The following TRPM3 variants were observed in gnomAD, a reference collection of about 807,000 sequenced individuals.
TRPM3 encodes the protein long transient receptor potential channel 3.
Under a neutral mutation model 181.2 loss-of-function variants are expected in TRPM3, and 77 were observed. The ratio of observed to expected loss-of-function variants is 0.42; its 90% confidence interval spans 0.35 to 0.51. The LOEUF (loss-of-function observed/expected upper bound fraction) is 0.51. TRPM3 is among the 20% of genes least tolerant of loss of function. The probability of loss-of-function intolerance (pLI) is 0.01; values close to 1 mark genes in which losing one functional copy is unlikely to be tolerated. For missense variants in TRPM3, 1,759 were observed against 2,196.7 expected (o/e 0.80, Z 3.98); for synonymous variants, 745 against 796.4 (o/e 0.94, Z 1.09).
At position 71,219,204 on chromosome 9, in the gene TRPM3, G is replaced by C. The variant is rs77966300; in HGVS notation, c.183+227449C>G. Among the ~76,000 whole-genome samples, 102 of 152,112 alleles carry C rather than the reference G, an allele frequency of 6.7e-4. 1 individual carries two copies. The East Asian group carries it at 0.019, about 28-fold the overall frequency. ...TTGTGTGTGTGTGTTGGGGGTGGGG[G>C]TTGGGAGATGAGGGAAGGGCTTTTT... On this transcript the variant is annotated intron_variant, in intron 1 of 24. Transcript: ENST00000357533.
chr9:71,332,026 C>T (rs962462611), intron 1 of TRPM3, among the ~76,000 whole-genome samples: 2 of 149,548 alleles, frequency 1.3e-5, no homozygotes, highest in African/African-American at 2.5e-5. Context: ...CTATAGTATT[C>T]ATAAAATAAA....
intron 6 of TRPM3, among the ~76,000 whole-genome samples, chr9:70,791,501 C>T (rs1293164570): frequency 6.6e-6 from 1 of 152,108 alleles, no homozygotes; most frequent in Non-Finnish European, 1.5e-5. Context: ...ATGTCTTTTT[C>T]TCTTATTACC....
Position 71,112,404 on chromosome 9 carries a change from A to G in TRPM3, c.177+8774T>C, listed in dbSNP as rs182040262. Among the ~76,000 whole-genome samples the G allele has an allele frequency of 1.4e-4, 22 of 152,282 alleles. No individual in the cohort carries two copies. The East Asian group carries it at 3.9e-3, about 27-fold the overall frequency. ...TTGAGTACATATTTTATTCTGGGTC[A>G]CTTTCACTGAGCACGAAATATTGGT... is the stretch of plus-strand genomic sequence containing the variant. On this transcript the variant is annotated intron_variant, in intron 1 of 25. Coordinates refer to ENST00000677713, the MANE Select transcript of TRPM3 (RefSeq NM_001366145.2).
chr9:70,999,028 C>T (rs528208674), intron 1 of TRPM3, among the ~76,000 whole-genome samples: 1 of 152,278 alleles, frequency 6.6e-6, no homozygotes, highest in South Asian at 2.1e-4. Flanking sequence ...AGCTGATAAT[C>T]ACTACCTTCT....
intron 22 of TRPM3, among the ~76,000 whole-genome samples, chr9:70,556,336 TATTA>T (rs888714084): frequency 1.3e-5 from 2 of 151,936 alleles, no homozygotes; most frequent in African/African-American, 4.8e-5. Context: ...ATCTTTTGGG[TATTA>T]ATTTATTCCA....
chr9:70,672,191 C>T (rs1368765420), intron 9 of TRPM3, among the ~76,000 whole-genome samples: 1 of 152,142 alleles, frequency 6.6e-6, no homozygotes, highest in Non-Finnish European at 1.5e-5. Context: ...TCTCTCATTC[C>T]ACAGTCATAG....
chr9:71,334,141 GAAGCTCTGGTAC>G (rs1407651466), intron 1 of TRPM3, among the ~76,000 whole-genome samples: 1 of 151,686 alleles, frequency 6.6e-6, no homozygotes, highest in African/African-American at 2.4e-5. Flanking sequence ...TGAAAGGTAA[GAAGCTCTGGTAC>G]AAGTAGGCAC....
intron 1 of TRPM3, among the ~76,000 whole-genome samples, chr9:71,258,898 T>G (rs575020296): frequency 1.2e-4 from 19 of 152,300 alleles, no homozygotes; most frequent in African/African-American, 2.9e-4. Flanking sequence ...AATGGAGCTT[T>G]TCTTTCTTAA....
intron 1 of TRPM3, among the ~76,000 whole-genome samples, chr9:70,924,496 A>G (rs1484743006): frequency 2.0e-5 from 3 of 152,192 alleles, no homozygotes; most frequent in Non-Finnish European, 4.4e-5. Flanking sequence ...TAATGTTGGT[A>G]TGAACATTCT....
intron 6 of TRPM3, among the ~76,000 whole-genome samples, chr9:70,802,666 T>C (rs1280975717): frequency 6.6e-6 from 1 of 152,194 alleles, no homozygotes; most frequent in Non-Finnish European, 1.5e-5. Flanking sequence ...ACTCTTATTA[T>C]AGAGGCAAAG....
At chr9:71,058,080 T>C (rs2060873025) in intron 1 of TRPM3, among the ~76,000 whole-genome samples, 1 of 152,006 alleles carries the variant, frequency 6.6e-6, no homozygotes. Context: ...GCACTAGAAA[T>C]TGCTACCACT....
intron 1 of TRPM3, among the ~76,000 whole-genome samples, chr9:71,051,803 G>A (rs138406567): frequency 6.6e-6 from 1 of 152,140 alleles, no homozygotes; most frequent in African/African-American, 2.4e-5. Flanking sequence ...AGTCTGGCAT[G>A]CCTTATCTAG....
intron 1 of TRPM3, among the ~76,000 whole-genome samples, chr9:71,370,260 T>A (rs1023613567): frequency 6.6e-6 from 1 of 152,176 alleles, no homozygotes; most frequent in African/African-American, 2.4e-5. Context: ...TCTCTCACTT[T>A]AAATAAAAAA....
chr9:70,827,019 A>G (rs981348504), intron 6 of TRPM3: 1 of 152,240 alleles, frequency 6.6e-6, no homozygotes, highest in African/African-American at 2.4e-5. Flanking sequence ...TTTACACAAT[A>G]AATACAGCAA....
chr9:71,146,975 C>T (rs1394698487), intron 1 of TRPM3, among the ~76,000 whole-genome samples: 1 of 152,118 alleles, frequency 6.6e-6, no homozygotes, highest in African/African-American at 2.4e-5. Context: ...TATTGGATGT[C>T]ATCTTCTTGC....
At chr9:71,416,060 G>A (rs2093632599) in intron 1 of TRPM3, among the ~76,000 whole-genome samples, 2 of 144,776 alleles carry the variant, frequency 1.4e-5, no homozygotes, top group South Asian at 4.4e-4. Flanking sequence ...GCTCAGATTT[G>A]CCCTTCTCAA....
At chr9:70,653,093 A>G (rs191651915) in intron 9 of TRPM3, among the ~76,000 whole-genome samples, 22 of 152,316 alleles carry the variant, frequency 1.4e-4, no homozygotes, top group African/African-American at 4.8e-4. Flanking sequence ...AAGAACATGT[A>G]CATGATGGAT....
chr9:71,120,686 A>G (rs1177590822), intron 1 of TRPM3, among the ~76,000 whole-genome samples: 6 of 152,138 alleles, frequency 3.9e-5, no homozygotes, highest in Non-Finnish European at 7.3e-5. Flanking sequence ...TCTTCACCTG[A>G]CTGGCCACCT....
chr9:70,672,133 T>C (rs890172788), intron 9 of TRPM3, among the ~76,000 whole-genome samples: 3 of 152,152 alleles, frequency 2.0e-5, no homozygotes, highest in Non-Finnish European at 4.4e-5. Flanking sequence ...TTAGAACCTC[T>C]GTTTTCTTTG....
Sources: gnomAD v4.1 joint callset for allele counts (sites outside exome capture counted in the v4.1 genomes callset) on GRCh38, gnomAD v4.1.1 for gene constraint, MANE v1.5 for transcripts, NCBI Gene and HGNC (gene_info 2026-07-23, HGNC 2026-07-21) for gene names.